The following PDE3B variants were observed in gnomAD, a reference collection of about 807,000 sequenced individuals.
PDE3B encodes phosphodiesterase 3B.
Under a neutral mutation model 116.8 loss-of-function variants are expected in PDE3B, and 66 were observed. That is an observed-to-expected ratio of 0.56 (90% CI 0.46 to 0.69). PDE3B has a LOEUF of 0.69. Ranked by LOEUF, PDE3B falls within the 30% of genes least tolerant of loss-of-function variation. The pLI is 0.00. For synonymous variants in PDE3B, 595 were observed against 533.6 expected, an observed-to-expected ratio of 1.12 and a Z score of -1.59; for missense variants, 1,384 against 1,368.1, an observed-to-expected ratio of 1.01 and a Z score of -0.18.
chr11:14,888,159 C>G, the PDE3B span, among the ~76,000 whole-genome samples: 4 of 152,232 alleles, frequency 2.6e-5, no homozygotes, highest in Admixed American at 2.0e-4. Flanking sequence ...ATTCCCTTAC[C>G]CTAATTTAGT....
At chr11:14,779,989 A>G (rs1411020934) in intron 2 of PDE3B, among the ~76,000 whole-genome samples, 8 of 134,462 alleles carry the variant, frequency 5.9e-5, no homozygotes, top group Non-Finnish European at 7.8e-5. Context: ...AAGCAAATGG[A>G]AAAAAAAAAA....
At chr11:14,807,507 A>G (rs1254515731) in intron 5 of PDE3B, among the ~76,000 whole-genome samples, 1 of 152,144 alleles carries the variant, frequency 6.6e-6, no homozygotes, top group East Asian at 1.9e-4. Context: ...GATATAACTA[A>G]AAAGCTTATA....
intron 14 of PDE3B, among the ~76,000 whole-genome samples, chr11:14,865,099 TAAAG>T (rs1177158948): frequency 1.9e-4 from 29 of 151,686 alleles, no homozygotes; most frequent in Admixed American, 3.3e-4. Flanking sequence ...GCTAGACTAA[TAAAG>T]AAAAGAGAGA....
At chr11:14,752,184 G>A (rs1332780686) in intron 1 of PDE3B, among the ~76,000 whole-genome samples, 1 of 152,128 alleles carries the variant, frequency 6.6e-6, no homozygotes, top group African/African-American at 2.4e-5. Context: ...TCATGTGCTA[G>A]TTCTCTCAGT....
At chr11:14,802,093 C>T (rs768005573) in intron 4 of PDE3B, among the ~76,000 whole-genome samples, 1 of 152,178 alleles carries the variant, frequency 6.6e-6, no homozygotes, top group Non-Finnish European at 1.5e-5. Context: ...TCTGCAGAGC[C>T]AGACCACTTG....
At chr11:14,817,339 G>A (rs1859365631) in intron 5 of PDE3B, among the ~76,000 whole-genome samples, 1 of 152,154 alleles carries the variant, frequency 6.6e-6, no homozygotes, top group African/African-American at 2.4e-5. Flanking sequence ...TAATGTAAAT[G>A]ATGAGTTAAT....
chr11:14,731,032 G>T (rs935080677), intron 1 of PDE3B, among the ~76,000 whole-genome samples: 1 of 152,028 alleles, frequency 6.6e-6, no homozygotes, highest in African/African-American at 2.4e-5. Flanking sequence ...TATTTTTAGT[G>T]CATCTCAAGT....
the PDE3B span, chr11:14,877,597 T>C: frequency 6.6e-6 from 1 of 152,536 alleles, no homozygotes; most frequent in African/African-American, 2.4e-5. Flanking sequence ...TGGCAGGCTC[T>C]ACATTAAATA....
At chr11:14,892,285 C>T in the PDE3B span, 2 of 1,394,314 alleles carry the variant, frequency 1.4e-6, no homozygotes, top group South Asian at 2.4e-5. Flanking sequence ...CTCCCATTGG[C>T]AGGATACCCT....
chr11:14,724,031 T>A (rs1277367927), intron 1 of PDE3B, among the ~76,000 whole-genome samples: 1 of 152,216 alleles, frequency 6.6e-6, no homozygotes. Flanking sequence ...AGTTAAAATA[T>A]GGACATTGTA....
chr11:14,841,636 T>C (rs1471541123), intron 11 of PDE3B, among the ~76,000 whole-genome samples: 1 of 146,276 alleles, frequency 6.8e-6, no homozygotes, highest in African/African-American at 2.5e-5. Flanking sequence ...AGAGGCTTAA[T>C]TGAGTCACAA....
intron 4 of PDE3B, among the ~76,000 whole-genome samples, chr11:14,794,105 T>C (rs1858473148): frequency 6.6e-6 from 1 of 152,164 alleles, no homozygotes; most frequent in South Asian, 2.1e-4. Flanking sequence ...TGACGTCTCT[T>C]GTTCGTTTGC....
intron 1 of PDE3B, among the ~76,000 whole-genome samples, chr11:14,738,870 A>G (rs1260260168): frequency 6.6e-6 from 1 of 152,110 alleles, no homozygotes; most frequent in Admixed American, 6.5e-5. Context: ...TCCTTTCCCC[A>G]TTGCTTGTTT....
chr11:14,893,368 A>G, the PDE3B span, among the ~76,000 whole-genome samples: 1 of 152,248 alleles, frequency 6.6e-6, no homozygotes, highest in Non-Finnish European at 1.5e-5. Flanking sequence ...GGAAGATGAC[A>G]TTGGAGCTGA....
chr11:14,689,434 C>T (rs1854985666), intron 1 of PDE3B, among the ~76,000 whole-genome samples: 1 of 151,712 alleles, frequency 6.6e-6, no homozygotes, highest in East Asian at 1.9e-4. Flanking sequence ...AGATTGAAGC[C>T]CTGGAATTCA....
chr11:14,879,409 G>A, the PDE3B span: 1 of 1,605,630 alleles, frequency 6.2e-7, no homozygotes, highest in Non-Finnish European at 8.5e-7. Context: ...TCCCATTAGG[G>A]CCCATAATTA....
intron 1 of PDE3B, among the ~76,000 whole-genome samples, chr11:14,749,513 G>A (rs1019596254): frequency 6.6e-6 from 1 of 151,924 alleles, no homozygotes; most frequent in Non-Finnish European, 1.5e-5. Context: ...AGATTCTTTG[G>A]GGCTACACAG....
intron 1 of PDE3B, chr11:14,674,073 A>C: frequency 6.5e-7 from 1 of 1,529,294 alleles, no homozygotes; most frequent in South Asian, 1.1e-5. Flanking sequence ...TTAGCTCTTC[A>C]GGAAGCTTTA....
At chr11:14,879,034 T>C in the PDE3B span, 1 of 1,111,854 alleles carries the variant, frequency 9.0e-7, no homozygotes, top group Admixed American at 1.8e-5. Flanking sequence ...TATAGAAGGA[T>C]GCTTCAGATT....
Sources: allele counts gnomAD v4.1 joint callset (sites outside exome capture counted in the v4.1 genomes callset), GRCh38; gene constraint gnomAD v4.1.1; transcripts MANE v1.5; gene names NCBI Gene and HGNC (gene_info 2026-07-23, HGNC 2026-07-21).